The following COL6A3 variants were observed in gnomAD, a reference collection of about 807,000 sequenced individuals.
The protein encoded by COL6A3 is collagen type VI alpha 3 chain, also known as collagen alpha-3(VI) chain.
A neutral mutation model predicts 274.1 loss-of-function variants in COL6A3; 137 were observed. The observed-to-expected ratio is 0.50, with a 90% confidence interval of 0.44 to 0.58. The LOEUF (loss-of-function observed/expected upper bound fraction) is 0.58. Ranked by LOEUF, COL6A3 falls within the 20% of genes least tolerant of loss-of-function variation. The pLI, the probability that COL6A3 is intolerant of heterozygous loss-of-function variation, is 0.00. For synonymous variants in COL6A3, 1,650 were observed against 1,650.6 expected, an observed-to-expected ratio of 1.00 and a Z score of 0.01; for missense variants, 3,950 against 4,124.9, an observed-to-expected ratio of 0.96 and a Z score of 1.16.
At position 237,325,835 on chromosome 2, in the gene COL6A3, A is replaced by C. The variant is rs948213245; in HGVS notation, c.9329-111T>G. On this transcript the variant is annotated intron_variant, in intron 42 of 43. Transcript: ENST00000295550. Reference sequence around the variant, plus strand: ...CTACTGTGGCAGAAGGAAAAAAAAGAAGAGCTTCCAGGTGAAAACTCCCTT... The same window carrying C: ...CTACTGTGGCAGAAGGAAAAAAAAGCAGAGCTTCCAGGTGAAAACTCCCTT... 1.1e-5 allele frequency: 10 copies of C among 905,178 alleles called. No homozygotes were observed. In the Admixed American group the frequency reaches 1.8e-4, roughly 16 times the overall value. 56.1% of individuals were successfully genotyped at this position (905,178 alleles called of 1,614,324 possible). A position where few individuals can be genotyped will look rare whatever the true frequency, so the allele number is the denominator to read the frequency against.
At chr2:237,349,928 A>T (rs928135811) in intron 28 of COL6A3, among the ~76,000 whole-genome samples, 16 of 152,176 alleles carry the variant, frequency 1.1e-4, no homozygotes, top group African/African-American at 3.6e-4. Flanking sequence ...AGGGGAAAAA[A>T]TGTCTCTCCC....
At chr2:237,380,795 C>A in intron 5 of COL6A3, 120 bp downstream of exon 5, 1 of 915,100 alleles carries the variant, frequency 1.1e-6, no homozygotes, top group Non-Finnish European at 1.7e-6. Flanking sequence ...ATGTTCGTTG[C>A]TGCTGTTTTC....
At chr2:237,403,805 T>C (rs2106400344) in intron 1 of COL6A3, among the ~76,000 whole-genome samples, 1 of 151,808 alleles carries the variant, frequency 6.6e-6, no homozygotes, top group East Asian at 1.9e-4. Flanking sequence ...TCCCTCCACT[T>C]AGGTTGACCC....
rs1471773022 is a variant in COL6A3 at position 237,334,676 on chromosome 2, C to T, written c.9179G>A (p.Cys3060Tyr). 1 of 1,613,754 alleles carries T rather than the reference C, an allele frequency of 6.2e-7. No individual in the cohort carries two copies. The highest frequency in any genetic ancestry group is 8.5e-7 in the Non-Finnish European group (1 of 1,180,020). The change falls in exon 41 of 44, where the codon TGC becomes TAC. Residue 3060 changes from cysteine to tyrosine, a missense_variant. Coordinates refer to ENST00000295550, the MANE Select transcript of COL6A3 (RefSeq NM_004369.4). ...AGQTYHVAVV[C>Y]YLRSQVRATY... ...GGCTCTGACCTGAGACCTCAGGTAG[C>T]AGACCACAGCCACATGGTATGTCTG...
rs746947010 is a variant in COL6A3 at position 237,368,604 on chromosome 2, G to A, written c.4859C>T (p.Pro1620Leu). The stretch of plus-strand genomic sequence containing the variant: ...AGGGGTGTCCACCCCTGGAGGTGCA[G>A]GAGTGGCTGCGGAGGGTCCAAACGA... ...MNSFGPSAAT[P>L]APPGVDTPPP... is the part of the protein sequence containing the mutation. Residue 1620 changes from proline (P) to leucine (L), a missense_variant, in exon 10 of 44, where the codon CCT becomes CTT. By Grantham distance (98) the Pro-to-Leu change is moderately conservative (BLOSUM62 -3). Around this residue, in one of 5 missense-constraint regions of COL6A3, gnomAD observed 632 missense variants for 623.4 expected, o/e 1.01. Transcript: ENST00000295550. The surrounding 1 kb of genome is among the most constrained non-coding windows in gnomAD (Gnocchi z 4.4). 1.9e-6 allele frequency: 3 copies of A among 1,614,112 alleles called. No individual in the cohort carries two copies. The highest frequency in any genetic ancestry group is 2.5e-6 in the Non-Finnish European group (3 of 1,180,012).
Position 237,374,529 on chromosome 2 carries a change from T to C in COL6A3, c.3562A>G (p.Ile1188Val). ...GTCCCCAGCTGGCGAAAGGTGGGAA[T>C]GGCCACGGCAAAGTCCGGGATGAAG... ...ISFIPDFAVA[I>V]PTFRQLGTVQ... Residue 1188 changes from isoleucine (I) to valine (V), a missense_variant, in exon 8 of 44, where the codon ATT (isoleucine) becomes GTT (valine). Coordinates refer to ENST00000295550, the MANE Select transcript of COL6A3 (RefSeq NM_004369.4). The surrounding 1 kb of genome is among the most constrained non-coding windows in gnomAD (Gnocchi z 4.8). 1 of 1,614,214 alleles carries C rather than the reference T, an allele frequency of 6.2e-7. No individual in the cohort carries two copies. Among genetic ancestry groups the C allele is most frequent in the Non-Finnish European group, 8.5e-7 (1 of 1,180,026 alleles).
Position 237,361,646 on chromosome 2 carries a change from C to T in COL6A3, c.6156+93G>A. 2 of 1,167,842 alleles carry T rather than the reference C, an allele frequency of 1.7e-6. No homozygotes were observed. The highest frequency in any genetic ancestry group is 1.7e-5 in the Admixed American group (1 of 59,402). 72.3% of individuals were successfully genotyped at this position (1,167,842 alleles called of 1,614,324 possible). ...TGGTCTCTCGTCTCCTCCTTCATCT[C>T]CACACTCTTCTGTTAGAGAAATTAC... On this transcript the variant is annotated intron_variant, in intron 15 of 43. Transcript: ENST00000295550. The surrounding 1 kb of genome is among the most constrained non-coding windows in gnomAD (Gnocchi z 5.1).
At chr2:237,365,181 G>A (rs1201535367) in intron 12 of COL6A3, among the ~76,000 whole-genome samples, 1 of 149,654 alleles carries the variant, frequency 6.7e-6, no homozygotes, top group Non-Finnish European at 1.5e-5. Context: ...GAAGACCCCT[G>A]CCTACAAGCC....
chr2:237,335,888 G>A (rs1281829239), intron 40 of COL6A3, among the ~76,000 whole-genome samples: 1 of 152,144 alleles, frequency 6.6e-6, no homozygotes, highest in African/African-American at 2.4e-5. Flanking sequence ...GGTGAACTGT[G>A]CCCCCACTGA....
At chr2:237,346,625 C>A in intron 31 of COL6A3, 60 bp from the exon 32 acceptor site, 1 of 1,484,548 alleles carries the variant, frequency 6.7e-7, no homozygotes, top group Admixed American at 1.7e-5. Flanking sequence ...TTTAAGGCTC[C>A]TATAGTTGGA....
Position 237,366,848 on chromosome 2 carries a change from T to G in COL6A3, c.5339A>C (p.Asn1780Thr). Residue 1780 changes from asparagine to threonine, a missense_variant, in exon 11 of 44, where the codon AAT becomes ACT. Coordinates refer to ENST00000295550, the MANE Select transcript of COL6A3 (RefSeq NM_004369.4). ...CTTTCCAACCTCCTCCGAGTCGATATTCCTCACTCCAACAGCAAACACTTT... is the reference window on the plus strand; with the variant it reads ...CTTTCCAACCTCCTCCGAGTCGATAGTCCTCACTCCAACAGCAAACACTTT... Reference protein sequence around the residue: ...GVKVFAVGVRNIDSEEVGKIA... With the variant: ...GVKVFAVGVRTIDSEEVGKIA... 3 of 1,614,242 alleles carry G rather than the reference T, an allele frequency of 1.9e-6. No homozygotes were observed. The highest frequency in any genetic ancestry group is 2.5e-6 in the Non-Finnish European group (3 of 1,180,036).
chr2:237,360,249 A>T, intron 16 of COL6A3, 90 bp from the exon 17 acceptor site: 1 of 1,262,196 alleles, frequency 7.9e-7, no homozygotes, highest in Non-Finnish European at 1.1e-6. Context: ...GGTACTGTGA[A>T]CAGCATGCAG....
intron 43 of COL6A3, among the ~76,000 whole-genome samples, chr2:237,325,037 C>T (rs906877516): frequency 6.6e-6 from 1 of 152,086 alleles, no homozygotes; most frequent in East Asian, 1.9e-4. Context: ...GAAATCTGAT[C>T]CCATTCTTTT....
chr2:237,366,763 C>T lies in COL6A3; in HGVS notation c.5424G>A (p.Leu1808=). Reference sequence around the variant, plus strand: ...GCAAAGTTTCCAAAACTTGCTCGCTCAGTTCGGACAGCTCCTGGACGTTGC... The same window carrying T: ...GCAAAGTTTCCAAAACTTGCTCGCTTAGTTCGGACAGCTCCTGGACGTTGC... ...RVGNVQELSE[L]SEQVLETLHD... is the part of the protein sequence containing the mutation. The change falls in exon 11 of 44, where the codon CTG becomes CTA. Residue 1808 remains leucine (L), a synonymous_variant. Transcript: ENST00000295550. The T allele has an allele frequency of 6.2e-7, 1 of 1,614,264 alleles. No individual in the cohort carries two copies.
At chr2:237,354,249 C>T (rs1422782681) in intron 24 of COL6A3, among the ~76,000 whole-genome samples, 1 of 151,930 alleles carries the variant, frequency 6.6e-6, no homozygotes, top group Non-Finnish European at 1.5e-5. Flanking sequence ...AACTCCCAAC[C>T]TCAGGTGATC....
At chr2:237,408,539 T>A (rs547902613) in intron 1 of COL6A3, among the ~76,000 whole-genome samples, 1 of 152,250 alleles carries the variant, frequency 6.6e-6, no homozygotes, top group Non-Finnish European at 1.5e-5. Flanking sequence ...TTTCCTGGAA[T>A]GGTTTCCCTT....
chr2:237,360,486 G>C (rs1191986776), intron 16 of COL6A3, among the ~76,000 whole-genome samples: 1 of 152,150 alleles, frequency 6.6e-6, no homozygotes, highest in Non-Finnish European at 1.5e-5. Context: ...CGGGCTGACA[G>C]CTCCTCCAAG....
intron 37 of COL6A3, 67 bp downstream of exon 37, chr2:237,341,998 C>T (rs557375944): frequency 1.5e-6 from 2 of 1,291,238 alleles, no homozygotes; most frequent in East Asian, 2.3e-5. Context: ...TATTCTCTCA[C>T]TCTCCCATGG....
At position 237,365,800 on chromosome 2, in the gene COL6A3, C is replaced by G. The variant is rs1559234592; in HGVS notation, c.5736G>C (p.Glu1912Asp). The G allele has an allele frequency of 1.9e-6, 3 of 1,614,092 alleles. No individual in the cohort carries two copies. Among genetic ancestry groups the G allele is most frequent in the South Asian group, 1.1e-5 (1 of 91,086 alleles). The stretch of plus-strand genomic sequence containing the variant: ...GCTGGCTGCGCATGTTCCGGAACTT[C>G]TCGAGCATCTCTGGCTGGTACTCGT... Reference protein sequence around the residue: ...DFDEYQPEMLEKFRNMRSQHP... With the variant: ...DFDEYQPEMLDKFRNMRSQHP... The change falls in exon 12 of 44, where the codon GAG (glutamate) becomes GAC (aspartate). Residue 1912 changes from glutamate to aspartate, a missense_variant. Physicochemically the swap from Glu to Asp is conservative, Grantham distance 45. Coordinates refer to ENST00000295550, the MANE Select transcript of COL6A3 (RefSeq NM_004369.4).
Sources: allele counts gnomAD v4.1 joint callset (sites outside exome capture counted in the v4.1 genomes callset), GRCh38; gene constraint gnomAD v4.1.1; regional missense constraint gnomAD v4.1.1; non-coding constraint Gnocchi (gnomAD v3.1); transcripts MANE v1.5; gene names NCBI Gene and HGNC (gene_info 2026-07-23, HGNC 2026-07-21).